The following EPB41 variants were observed in gnomAD, a reference collection of about 807,000 sequenced individuals.
EPB41 encodes erythrocyte membrane protein band 4.1, also known as protein 4.1.
A neutral mutation model predicts 108.0 loss-of-function variants in EPB41; 65 were observed. That is an observed-to-expected ratio of 0.60 (90% CI 0.49 to 0.74). EPB41 has a LOEUF of 0.74. EPB41 is among the 30% of genes least tolerant of loss of function. EPB41 has a pLI of 0.00. For synonymous variants in EPB41, 336 were observed against 358.9 expected, an observed-to-expected ratio of 0.94 and a Z score of 0.72; for missense variants, 875 against 1,037.0, an observed-to-expected ratio of 0.84 and a Z score of 2.15.
intron 1 of EPB41, among the ~76,000 whole-genome samples, chr1:28,926,464 C>CAA (rs2093451684): frequency 1.3e-5 from 2 of 152,212 alleles, no homozygotes; most frequent in Non-Finnish European, 2.9e-5. Flanking sequence ...ACACAACTAG[C>CAA]AAGCGAAAAT....
At chr1:28,913,860 T>G (rs2148027900), upstream of EPB41, among the ~76,000 whole-genome samples, 1 of 152,326 alleles carries the variant, frequency 6.6e-6, no homozygotes, top group Non-Finnish European at 1.5e-5. Flanking sequence ...TCAGTTCATC[T>G]GGAGACCAGA....
At chr1:29,043,749 T>G (rs1486864852) in intron 11 of EPB41, among the ~76,000 whole-genome samples, 1 of 152,178 alleles carries the variant, frequency 6.6e-6, no homozygotes, top group Non-Finnish European at 1.5e-5. Context: ...CTGAATCCCA[T>G]TTTTAAAAGA....
chr1:28,997,168 AAAG>A (rs779683074), intron 3 of EPB41, 44 bp from the exon 4 acceptor site: 42 of 1,392,284 alleles, frequency 3.0e-5, no homozygotes, highest in East Asian at 1.4e-4. Flanking sequence ...GGAAAAAATA[AAAG>A]AAGAAGAAAC....
At chr1:29,054,635 A>G (rs1645068025) in intron 12 of EPB41, 1 of 151,776 alleles carries the variant, frequency 6.6e-6, no homozygotes. Context: ...GGATCCCTTG[A>G]GCCCAGGAGT....
At chr1:28,947,238 A>C (rs1184554948) in intron 1 of EPB41, among the ~76,000 whole-genome samples, 1 of 152,024 alleles carries the variant, frequency 6.6e-6, no homozygotes. Flanking sequence ...TGAGACCTCA[A>C]ATCCACTAAA....
chr1:29,098,397 G>A (rs904156713), intron 17 of EPB41, among the ~76,000 whole-genome samples: 15 of 152,118 alleles, frequency 9.9e-5, no homozygotes, highest in African/African-American at 2.4e-4. Context: ...GGGTTTCACC[G>A]TGTTAGCCAG....
intron 17 of EPB41, among the ~76,000 whole-genome samples, chr1:29,100,813 G>A (rs1293318486): frequency 6.7e-6 from 1 of 149,014 alleles, no homozygotes. Context: ...AGCTGTAGTT[G>A]CAGCTATTCA....
At chr1:28,929,058 C>A (rs754927644) in intron 1 of EPB41, among the ~76,000 whole-genome samples, 1 of 151,964 alleles carries the variant, frequency 6.6e-6, no homozygotes, top group East Asian at 1.9e-4. Flanking sequence ...TTAGAACTGC[C>A]GAAATGATCA....
chr1:28,979,007 T>C lies in EPB41; in HGVS notation c.-7-8424T>C, dbSNP rs148491662. Among the ~76,000 whole-genome samples, 577 of 151,510 alleles carry C rather than the reference T, an allele frequency of 3.8e-3. 18 individuals are homozygous for C. The highest frequency in any genetic ancestry group is 0.013 in the African/African-American group (534 of 40,892). ...GAGCCAATTCCCCTAGTAAATCCTCTGTCATGTATCTATATACATATCCTA... is the reference window on the plus strand; with the variant it reads ...GAGCCAATTCCCCTAGTAAATCCTCCGTCATGTATCTATATACATATCCTA... On this transcript the variant is annotated intron_variant, in intron 1 of 20. Transcript: ENST00000343067.
chr1:28,955,470 T>C (rs1182280491), intron 1 of EPB41, among the ~76,000 whole-genome samples: 2 of 151,996 alleles, frequency 1.3e-5, no homozygotes, highest in Non-Finnish European at 2.9e-5. Context: ...GCCTCCCGAG[T>C]AGCTGGGACT....
intron 5 of EPB41, among the ~76,000 whole-genome samples, chr1:29,013,953 A>G (rs373549094): frequency 3.3e-5 from 5 of 151,892 alleles, no homozygotes; most frequent in African/African-American, 1.2e-4. Context: ...TCCTCTGGAT[A>G]TAATCACTGT....
Position 29,039,429 on chromosome 1 carries a change from T to G in EPB41, c.1636+3T>G. On this transcript the variant is annotated splice_donor_region_variant and intron_variant, in intron 11 of 20. Coordinates refer to ENST00000343067, the MANE Select transcript of EPB41 (RefSeq NM_001376013.1). Reference sequence around the variant, plus strand: ...GGCGTCCCGGAGCCTCGATGGAGGTTTGTATTGAATATTAATGATTTCTTG... The same window carrying G: ...GGCGTCCCGGAGCCTCGATGGAGGTGTGTATTGAATATTAATGATTTCTTG... The G allele has an allele frequency of 6.2e-7, 1 of 1,613,688 alleles. No homozygotes were observed.
chr1:29,011,840 T>G (rs766026105), intron 4 of EPB41, 25 bp from the exon 5 acceptor site: 2 of 1,614,004 alleles, frequency 1.2e-6, no homozygotes, highest in Non-Finnish European at 8.5e-7. Flanking sequence ...GAGCTCTGTG[T>G]GAATGCCTTT....
intron 12 of EPB41, among the ~76,000 whole-genome samples, chr1:29,058,038 C>G (rs1645851410): frequency 6.6e-6 from 1 of 152,192 alleles, no homozygotes; most frequent in South Asian, 2.1e-4. Context: ...TGAAGTGCCT[C>G]TTTAAGTATA....
chr1:29,028,528 G>A (rs567070348), intron 7 of EPB41, among the ~76,000 whole-genome samples: 21 of 152,090 alleles, frequency 1.4e-4, no homozygotes, highest in Non-Finnish European at 2.6e-4. Flanking sequence ...TATGATTCTC[G>A]TTTTATAGAG....
Position 28,887,491 on chromosome 1 carries a change from G to A in EPB41, c.-8+281G>A, listed in dbSNP as rs1347704920. On this transcript the variant is annotated intron_variant, in intron 1 of 16. Coordinates refer to the EPB41 transcript ENST00000347529. This position sits in a 1 kb window ranked among gnomAD's most constrained non-coding sequence, Gnocchi z 4.9. ...GAGCTAGACACGTCCGGGTCCGGCC[G>A]GTCCTGGCTGTCTGGGGCGGGGGTC... 1.0e-6 allele frequency: 1 copy of A among 985,144 alleles called. No homozygotes were observed. Among genetic ancestry groups the A allele is most frequent in the Non-Finnish European group, 1.2e-6 (1 of 829,862 alleles). 61.0% of individuals were successfully genotyped at this position (985,144 alleles called of 1,614,324 possible).
At chr1:28,889,805 C>G in intron 1 of EPB41, 3 of 985,360 alleles carry the variant, frequency 3.0e-6, no homozygotes, top group Non-Finnish European at 3.6e-6. Flanking sequence ...TTCGGTTATT[C>G]TCTAAGCCTT....
At chr1:29,098,484 C>G (rs1429113067) in intron 17 of EPB41, among the ~76,000 whole-genome samples, 1 of 152,034 alleles carries the variant, frequency 6.6e-6, no homozygotes, top group Non-Finnish European at 1.5e-5. Flanking sequence ...CGTGAGCCAC[C>G]ACGCCTGGCC....
intron 12 of EPB41, among the ~76,000 whole-genome samples, chr1:29,057,238 T>C (rs1221750414): frequency 6.6e-6 from 1 of 151,532 alleles, no homozygotes; most frequent in Admixed American, 6.6e-5. Flanking sequence ...TAGCCAGGCA[T>C]GGTGGCGGGT....
Sources: allele counts gnomAD v4.1 joint callset (sites outside exome capture counted in the v4.1 genomes callset), GRCh38; gene constraint gnomAD v4.1.1; non-coding constraint Gnocchi (gnomAD v3.1); transcripts MANE v1.5; gene names NCBI Gene and HGNC (gene_info 2026-07-23, HGNC 2026-07-21).